The following DPYD variants were observed in gnomAD, a reference collection of about 807,000 sequenced individuals.
DPYD encodes the protein dihydropyrimidine dehydrogenase, also known as dihydropyrimidine dehydrogenase [NADP(+)].
DPYD carries 109 observed loss-of-function variants against 116.2 expected under a neutral mutation model. The observed-to-expected ratio is 0.94, with a 90% CI of 0.80 to 1.10. The LOEUF is 1.10. Ranked by LOEUF, DPYD falls within the 50% of genes least tolerant of loss-of-function variation. DPYD has a pLI of 0.00. For synonymous variants in DPYD, 440 were observed against 432.0 expected (o/e 1.02, Z -0.23); for missense variants, 1,302 against 1,254.5 (o/e 1.04, Z -0.57).
intron 7 of DPYD, among the ~76,000 whole-genome samples, chr1:97,689,090 A>T (rs1189364079): frequency 6.6e-6 from 1 of 151,098 alleles, no homozygotes; most frequent in Non-Finnish European, 1.5e-5. Flanking sequence ...AACATACTAG[A>T]TATTGAAATT....
At chr1:97,870,838 C>T (rs902254728) in intron 2 of DPYD, among the ~76,000 whole-genome samples, 2 of 151,810 alleles carry the variant, frequency 1.3e-5, no homozygotes, top group African/African-American at 2.4e-5. Context: ...TGATTAAAAA[C>T]GCTGCTGCCA....
intron 19 of DPYD, among the ~76,000 whole-genome samples, chr1:97,207,878 C>G (rs1659753146): frequency 6.6e-6 from 1 of 152,120 alleles, no homozygotes. Flanking sequence ...AATTCCCTCT[C>G]TATCTTTAAT....
intron 12 of DPYD, among the ~76,000 whole-genome samples, chr1:97,525,844 T>C (rs1296654762): frequency 6.9e-6 from 1 of 145,834 alleles, no homozygotes; most frequent in Non-Finnish European, 1.5e-5. Flanking sequence ...GAAGAGTAAG[T>C]AATTGCCCTG....
At chr1:97,489,650 T>C (rs1678857190) in intron 13 of DPYD, among the ~76,000 whole-genome samples, 1 of 152,214 alleles carries the variant, frequency 6.6e-6, no homozygotes, top group Non-Finnish European at 1.5e-5. Flanking sequence ...ATAGCCTTTG[T>C]TGAGTACTTA....
chr1:97,545,404 A>G (rs1318041772), intron 12 of DPYD, among the ~76,000 whole-genome samples: 3 of 152,156 alleles, frequency 2.0e-5, no homozygotes. Context: ...TGAAATTTTA[A>G]TTATTCTGAG....
rs117338017 is a variant in DPYD, at chr1:97,122,309, C to T, written c.2623-23677G>A. Among the ~76,000 whole-genome samples the T allele has an allele frequency of 2.1e-4, 32 of 152,198 alleles. 1 individual carries two copies. In the East Asian group the frequency reaches 4.6e-3, roughly 22 times the overall value. On this transcript the variant is annotated intron_variant, in intron 20 of 22. Transcript: ENST00000370192. Reference sequence around the variant, plus strand: ...AGAGGAGACAGACTTCATTCAGAAGCCTGTGCTGTAGGAAGGATGCTCTAT... The same window carrying T: ...AGAGGAGACAGACTTCATTCAGAAGTCTGTGCTGTAGGAAGGATGCTCTAT...
intron 12 of DPYD, among the ~76,000 whole-genome samples, chr1:97,536,557 G>C (rs1244941432): frequency 6.6e-6 from 1 of 152,176 alleles, no homozygotes; most frequent in Non-Finnish European, 1.5e-5. Context: ...AAATTAGTAT[G>C]ACATATCGAT....
At chr1:97,291,111 G>A (rs1254594942) in intron 18 of DPYD, among the ~76,000 whole-genome samples, 1 of 152,202 alleles carries the variant, frequency 6.6e-6, no homozygotes, top group Admixed American at 6.5e-5. Flanking sequence ...GGCCATCAGA[G>A]AAATGCAAAT....
chr1:97,530,852 C>A (rs899751257), intron 12 of DPYD, among the ~76,000 whole-genome samples: 6 of 152,040 alleles, frequency 3.9e-5, no homozygotes, highest in African/African-American at 1.4e-4. Flanking sequence ...TTTTGATTTT[C>A]ATTTTCCTGA....
intron 18 of DPYD, among the ~76,000 whole-genome samples, chr1:97,269,086 A>G (rs1407468795): frequency 2.0e-5 from 3 of 152,166 alleles, no homozygotes; most frequent in Non-Finnish European, 4.4e-5. Context: ...GATGTTGTTT[A>G]GATAGTTCTT....
intron 5 of DPYD, among the ~76,000 whole-genome samples, chr1:97,713,690 C>T (rs1055681360): frequency 5.9e-5 from 9 of 152,072 alleles, no homozygotes; most frequent in African/African-American, 2.2e-4. Flanking sequence ...CAGACAGACA[C>T]ATTTTACCAG....
intron 12 of DPYD, among the ~76,000 whole-genome samples, chr1:97,518,758 G>GA (rs1648419086): frequency 6.6e-6 from 1 of 152,054 alleles, no homozygotes; most frequent in African/African-American, 2.4e-5. Context: ...GAACAATGGG[G>GA]ATAGGTTCCA....
chr1:97,584,115 G>A (rs1290450769), intron 10 of DPYD, among the ~76,000 whole-genome samples: 2 of 152,214 alleles, frequency 1.3e-5, no homozygotes, highest in Non-Finnish European at 2.9e-5. Context: ...TCTAACTGGT[G>A]TGAGATGGTA....
intron 11 of DPYD, among the ~76,000 whole-genome samples, chr1:97,571,139 C>T (rs1052888622): frequency 5.3e-5 from 8 of 151,354 alleles, no homozygotes; most frequent in African/African-American, 1.2e-4. Context: ...GAAATAAATA[C>T]GATAAGGAGA....
At chr1:97,616,411 T>C (rs1656271184) in intron 8 of DPYD, among the ~76,000 whole-genome samples, 1 of 152,186 alleles carries the variant, frequency 6.6e-6, no homozygotes, top group Non-Finnish European at 1.5e-5. Context: ...TGAAAATTAT[T>C]CCAAGTCAAG....
At chr1:97,216,682 C>A (rs1660419530) in intron 19 of DPYD, among the ~76,000 whole-genome samples, 1 of 151,930 alleles carries the variant, frequency 6.6e-6, no homozygotes, top group Admixed American at 6.6e-5. Flanking sequence ...GTAGTCCCAC[C>A]TACTCAGAAG....
intron 11 of DPYD, among the ~76,000 whole-genome samples, chr1:97,565,443 G>A (rs925526985): frequency 1.3e-5 from 2 of 151,996 alleles, no homozygotes; most frequent in Admixed American, 1.3e-4. Flanking sequence ...ATAATCCTTT[G>A]ACTCCACATA....
intron 18 of DPYD, among the ~76,000 whole-genome samples, chr1:97,274,537 T>C (rs559403211): frequency 1.3e-5 from 2 of 152,292 alleles, no homozygotes; most frequent in South Asian, 2.1e-4. Flanking sequence ...ACCTCTTTTC[T>C]TTATAAATTA....
At position 97,274,520 on chromosome 1, in the gene DPYD, C is replaced by T. The variant is rs193290162; in HGVS notation, c.2299+30739G>A. 5.8e-4 allele frequency among the ~76,000 whole-genome samples: 88 copies of T among 152,248 alleles called. 1 individual carries two copies. The Middle Eastern group carries it at 0.017, about 29-fold the overall frequency. On this transcript the variant is annotated intron_variant, in intron 18 of 22. Coordinates refer to ENST00000370192, the MANE Select transcript of DPYD (RefSeq NM_000110.4). ...TTGTAGAGTCTGCAGAACCTGGAAACAATTAAACCTCTTTTCTTTATAAAT... is the reference window on the plus strand; with the variant it reads ...TTGTAGAGTCTGCAGAACCTGGAAATAATTAAACCTCTTTTCTTTATAAAT...
Sources: gnomAD v4.1 joint callset for allele counts (sites outside exome capture counted in the v4.1 genomes callset) on GRCh38, gnomAD v4.1.1 for gene constraint, MANE v1.5 for transcripts, NCBI Gene and HGNC (gene_info 2026-07-23, HGNC 2026-07-21) for gene names.